Variants in MECOM observed in about 807,000 individuals in gnomAD.
MECOM encodes the protein histone-lysine N-methyltransferase MECOM.
Under a neutral mutation model 116.3 loss-of-function variants are expected in MECOM, and 13 were observed. That is an observed-to-expected ratio of 0.11 (90% CI 0.07 to 0.18). MECOM has a LOEUF of 0.18. MECOM is among the 10% of genes least tolerant of loss of function. MECOM has a pLI of 1.00. For missense variants in MECOM, 1,299 were observed against 1,509.0 expected, an observed-to-expected ratio of 0.86 and a Z score of 2.31; for synonymous variants, 528 against 535.2, an observed-to-expected ratio of 0.99 and a Z score of 0.19.
At chr3:169,647,954 C>T (rs1021071002) in intron 1 of MECOM, among the ~76,000 whole-genome samples, 6 of 151,992 alleles carry the variant, frequency 3.9e-5, no homozygotes, top group Non-Finnish European at 7.4e-5. Flanking sequence ...AACATGTTTA[C>T]GGTACCCAAA....
intron 3 of MECOM, chr3:169,134,117 G>C (rs564474745): frequency 5.1e-5 from 17 of 336,070 alleles, no homozygotes; most frequent in African/African-American, 3.2e-4. Context: ...CATTTTAAGA[G>C]AGTATTATGA....
At chr3:169,094,994 GAAGA>G in intron 13 of MECOM, 78 bp downstream of exon 13, 3 of 1,235,926 alleles carry the variant, frequency 2.4e-6, no homozygotes, top group Non-Finnish European at 3.2e-6. Flanking sequence ...TGGAATAAAA[GAAGA>G]AAGATCACAT....
chr3:169,288,387 C>A (rs914851415), intron 2 of MECOM, among the ~76,000 whole-genome samples: 6 of 152,134 alleles, frequency 3.9e-5, no homozygotes, highest in African/African-American at 1.4e-4. Flanking sequence ...CAAAACACAA[C>A]TTAATTTTGA....
chr3:169,105,124 G>T (rs941345458), intron 10 of MECOM, among the ~76,000 whole-genome samples: 1 of 152,116 alleles, frequency 6.6e-6, no homozygotes, highest in Admixed American at 6.6e-5. Context: ...TGCCCAGCCA[G>T]CAACCACTGA....
intron 1 of MECOM, among the ~76,000 whole-genome samples, chr3:169,384,211 T>A (rs916891686): frequency 2.0e-5 from 3 of 152,204 alleles, no homozygotes; most frequent in African/African-American, 4.8e-5. Context: ...ATCTAACATA[T>A]AATTTTATTA....
At chr3:169,196,986 A>G (rs1372354418) in intron 2 of MECOM, among the ~76,000 whole-genome samples, 1 of 152,114 alleles carries the variant, frequency 6.6e-6, no homozygotes, top group African/African-American at 2.4e-5. Flanking sequence ...GCAGCCATGA[A>G]AAAAGAATGA....
At chr3:169,546,915 A>G (rs1444833550) in intron 1 of MECOM, among the ~76,000 whole-genome samples, 4 of 152,228 alleles carry the variant, frequency 2.6e-5, no homozygotes, top group Non-Finnish European at 4.4e-5. Flanking sequence ...ATTCAACTAT[A>G]TTAATTATGA....
At chr3:169,156,988 A>G (rs1447982584) in intron 2 of MECOM, among the ~76,000 whole-genome samples, 1 of 152,222 alleles carries the variant, frequency 6.6e-6, no homozygotes, top group Non-Finnish European at 1.5e-5. Flanking sequence ...ACAAAATTAC[A>G]GGAATTTGAT....
chr3:169,663,233 C>T, intron 1 of MECOM, 103 bp downstream of exon 1: 1 of 1,395,258 alleles, frequency 7.2e-7, no homozygotes, highest in Non-Finnish European at 9.9e-7. Context: ...CCCGGGGCCC[C>T]GGCGCAAGAG....
In MECOM at chr3:169,116,235, G is replaced by T. The variant is rs776944612; in HGVS notation, c.1637C>A (p.Ser546Tyr). 6.2e-7 allele frequency: 1 copy of T among 1,614,164 alleles called. No homozygotes were observed. The highest frequency in any genetic ancestry group is 1.1e-5 in the South Asian group (1 of 91,078). Residue 546 changes from serine to tyrosine, a missense_variant, in exon 8 of 17, where the codon TCT becomes TAT. This residue lies in a region of MECOM where 238 missense variants were observed against 273.1 expected (regional missense o/e 0.87). Transcript: ENST00000651503. The stretch of plus-strand genomic sequence containing the variant: ...ATTGTCCCCTACAGATGGGTGTTTA[G>T]ATAGTGCCTTCAAAATATCCTGTGT... ...PATQDILKAL[S>Y]KHPSVGDNKP... is the part of the protein sequence containing the mutation.
At chr3:169,498,267 T>C (rs1407859330) in intron 1 of MECOM, among the ~76,000 whole-genome samples, 1 of 152,230 alleles carries the variant, frequency 6.6e-6, no homozygotes, top group Non-Finnish European at 1.5e-5. Context: ...ATAAAACTTA[T>C]TTTTAAATCC....
chr3:169,544,821 G>A (rs1291383953), intron 1 of MECOM, among the ~76,000 whole-genome samples: 5 of 152,114 alleles, frequency 3.3e-5, no homozygotes, highest in African/African-American at 7.2e-5. Flanking sequence ...GTTGAACAAT[G>A]AGAACACATG....
intron 1 of MECOM, among the ~76,000 whole-genome samples, chr3:169,517,412 T>C (rs746949867): frequency 6.6e-6 from 1 of 152,242 alleles, no homozygotes; most frequent in Non-Finnish European, 1.5e-5. Context: ...ATCTCTGAAT[T>C]TTGTGAAGAC....
chr3:169,546,739 A>G (rs1238336521), intron 1 of MECOM, among the ~76,000 whole-genome samples: 1 of 137,568 alleles, frequency 7.3e-6, no homozygotes, highest in Non-Finnish European at 1.6e-5. Context: ...GAAAGGAAGG[A>G]AAAAAAATAC....
At chr3:169,158,913 T>C (rs1413490246) in intron 2 of MECOM, among the ~76,000 whole-genome samples, 2 of 152,230 alleles carry the variant, frequency 1.3e-5, no homozygotes, top group African/African-American at 4.8e-5. Flanking sequence ...GTCCAGGTGA[T>C]AACCGAGGTT....
chr3:169,457,549 C>T (rs1389474915), intron 1 of MECOM, among the ~76,000 whole-genome samples: 3 of 152,066 alleles, frequency 2.0e-5, no homozygotes, highest in African/African-American at 7.2e-5. Context: ...TGCTAAGAAA[C>T]AGAACATACA....
At chr3:169,562,250 A>G (rs1479172421) in intron 1 of MECOM, among the ~76,000 whole-genome samples, 2 of 151,976 alleles carry the variant, frequency 1.3e-5, no homozygotes, top group African/African-American at 2.4e-5. Flanking sequence ...ATTCTCTTGC[A>G]AGGGTCCAGA....
At chr3:169,213,078 A>C (rs755800289) in intron 2 of MECOM, among the ~76,000 whole-genome samples, 2 of 113,926 alleles carry the variant, frequency 1.8e-5, no homozygotes, top group African/African-American at 6.3e-5. Context: ...TTTCTTTTTT[A>C]TTTTTTTTAA....
intron 2 of MECOM, among the ~76,000 whole-genome samples, chr3:169,333,166 G>C (rs1237088999): frequency 6.6e-6 from 1 of 152,034 alleles, no homozygotes; most frequent in African/African-American, 2.4e-5. Flanking sequence ...AGCACATCTA[G>C]CATCAACTAT....
Sources: gnomAD v4.1 joint callset for allele counts (sites outside exome capture counted in the v4.1 genomes callset) on GRCh38, gnomAD v4.1.1 for gene constraint, gnomAD v4.1.1 regional missense constraint, MANE v1.5 for transcripts, NCBI Gene and HGNC (gene_info 2026-07-23, HGNC 2026-07-21) for gene names.